Variants in KRTAP5-3 observed in about 807,000 individuals in gnomAD.
KRTAP5-3 encodes keratin associated protein 5-3.
In KRTAP5-3, 1 loss-of-function variant was observed where a neutral mutation model predicts 2.3. The observed-to-expected ratio is 0.44, with a 90% CI of 0.16 to 2.10. The LOEUF (loss-of-function observed/expected upper bound fraction) is 2.10. Among genes scored for constraint, KRTAP5-3 ranks in the 30% most tolerant of loss-of-function variants. The probability of loss-of-function intolerance (pLI) is 0.28; values close to 1 mark genes in which losing one functional copy is unlikely to be tolerated. For synonymous variants in KRTAP5-3, 92 were observed against 117.6 expected (o/e 0.78, Z 1.41); for missense variants, 229 against 291.4 (o/e 0.79, Z 1.56).
chr11:1,607,570 G>A lies in KRTAP5-3; in HGVS notation c.*99C>T. On this transcript the variant is annotated 3_prime_UTR_variant, in exon 1 of 1. Transcript: ENST00000399685. ...GCTAGGCTGCCTTAGTCCAGAGGAG[G>A]ACAGATTCAGAGACGTGCTTCAGGA... The A allele has an allele frequency of 1.3e-6, 2 of 1,594,022 alleles. No individual in the cohort carries two copies. The highest frequency in any genetic ancestry group is 2.3e-5 in the South Asian group (2 of 86,686).
In KRTAP5-3 at chr11:1,608,414, T is replaced by G; in HGVS notation, c.-29A>C. ...TCTGGTGGGTTGAGGGTGGAGCAGG[T>G]AGAGGAGCAGGTGAGAGGGAGGTGT... On this transcript the variant is annotated 5_prime_UTR_variant, in exon 1 of 1. Coordinates refer to ENST00000399685, the MANE Select transcript of KRTAP5-3 (RefSeq NM_001012708.2). 6.2e-7 allele frequency: 1 copy of G among 1,608,306 alleles called. No homozygotes were observed. The highest frequency in any genetic ancestry group is 8.5e-7 in the Non-Finnish European group (1 of 1,177,828).
At position 1,608,066 on chromosome 11, in the gene KRTAP5-3, G is replaced by A; in HGVS notation, c.320C>T (p.Ser107Phe). ...CSSSCGSCGG[S>F]KGVCGFRGGS... Reference sequence around the variant, plus strand: ...CCCACGAAATCCACAGACCCCCTTGGAACCCCCACAGGAGCCACAGCTGGA... The same window carrying A: ...CCCACGAAATCCACAGACCCCCTTGAAACCCCCACAGGAGCCACAGCTGGA... Residue 107 changes from serine (S) to phenylalanine (F), a missense_variant, in exon 1 of 1, where the codon TCC (serine) becomes TTC (phenylalanine). Transcript: ENST00000399685. The A allele has an allele frequency of 6.3e-7, 1 of 1,591,546 alleles. No homozygotes were observed.
In KRTAP5-3 at chr11:1,607,845, C is replaced by T. The variant is rs1209575031; in HGVS notation, c.541G>A (p.Gly181Arg). 1 of 1,599,830 alleles carries T rather than the reference C, an allele frequency of 6.3e-7. No individual in the cohort carries two copies. Among genetic ancestry groups the T allele is most frequent in the Non-Finnish European group, 8.5e-7 (1 of 1,172,354 alleles). ...CAGCTGGACTGGCAGCAGGATGACCCACAGCCTGAGGAGCAGCAGCAGGGC... is the reference window on the plus strand; with the variant it reads ...CAGCTGGACTGGCAGCAGGATGACCTACAGCCTGAGGAGCAGCAGCAGGGC... Reference protein sequence around the residue: ...CKPCCCSSGCGSSCCQSSCCK... With the variant: ...CKPCCCSSGCRSSCCQSSCCK... Residue 181 changes from glycine (G) to arginine (R), a missense_variant, in exon 1 of 1, where the codon GGG (glycine) becomes AGG (arginine). Coordinates refer to ENST00000399685, the MANE Select transcript of KRTAP5-3 (RefSeq NM_001012708.2).
Position 1,607,745 on chromosome 11 carries a change from C to T in KRTAP5-3, c.641G>A (p.Cys214Tyr). The change falls in exon 1 of 1, where the codon TGC becomes TAC. Residue 214 changes from cysteine to tyrosine, a missense_variant. By Grantham distance (194) the Cys-to-Tyr change is radical. This residue lies in a region of KRTAP5-3 where 39 missense variants were observed against 83.8 expected (regional missense o/e 0.47). Coordinates refer to ENST00000399685, the MANE Select transcript of KRTAP5-3 (RefSeq NM_001012708.2). ...GCAGGGCTTGCAGCAGCTGGACTGG[C>T]AGCAGGATGACCCACAGCCTGAGGA... ...CCSSGCGSSC[C>Y]QSSCCKPCSS... 6.4e-7 allele frequency: 1 copy of T among 1,572,148 alleles called. No individual in the cohort carries two copies. The highest frequency in any genetic ancestry group is 8.7e-7 in the Non-Finnish European group (1 of 1,153,854).
rs1303401274 is a variant in KRTAP5-3, at chr11:1,608,317, G to GC, written c.68dup (p.Cys24LeufsTer110). On this transcript the variant is annotated frameshift_variant, in exon 1 of 1. Transcript: ENST00000399685. LOFTEE classifies it low-confidence loss of function (END_TRUNC). ...CACAGCCCCCATAGCCGGAGCCACA[G>GC]CCCCCACAGCTGGAGCCACAGCCCC... 4 of 1,609,376 alleles carry GC rather than the reference G, an allele frequency of 2.5e-6. No homozygotes were observed. Among genetic ancestry groups the GC allele is most frequent in the Non-Finnish European group, 3.4e-6 (4 of 1,178,998 alleles).
chr11:1,608,360 C>G lies in KRTAP5-3; in HGVS notation c.26G>C (p.Gly9Ala), dbSNP rs1261739139. Residue 9 changes from glycine to alanine, a missense_variant, in exon 1 of 1, where the codon GGC (glycine) becomes GCC (alanine). By Grantham distance (60) the Gly-to-Ala change is moderately conservative (BLOSUM62 0). Coordinates refer to ENST00000399685, the MANE Select transcript of KRTAP5-3 (RefSeq NM_001012708.2). Reference sequence around the variant, plus strand: ...ACAGCCCCCACAGCTGGAGCCACAGCCTCCAGAGCAGCCAGAGCAGCCCAT... The same window carrying G: ...ACAGCCCCCACAGCTGGAGCCACAGGCTCCAGAGCAGCCAGAGCAGCCCAT... MGCSGCSG[G>A]CGSSCGGCGS... The G allele has an allele frequency of 6.2e-7, 1 of 1,612,556 alleles. No individual in the cohort carries two copies. Among genetic ancestry groups the G allele is most frequent in the Non-Finnish European group, 8.5e-7 (1 of 1,180,008 alleles).
chr11:1,608,111 C>G lies in KRTAP5-3; in HGVS notation c.275G>C (p.Cys92Ser). 4 of 1,607,912 alleles carry G rather than the reference C, an allele frequency of 2.5e-6. No individual in the cohort carries two copies. Among genetic ancestry groups the G allele is most frequent in the Non-Finnish European group, 3.4e-6 (4 of 1,178,016 alleles). ...GCTGGAGGAGCAGCAGACGGGCACA[C>G]AGCAGCTGGAGCCACAGCCCCCCTT... ...GSKGGCGSSC[C>S]VPVCCSSSCG... Residue 92 changes from cysteine to serine, a missense_variant, in exon 1 of 1, where the codon TGT becomes TCT. Physicochemically the swap from Cys to Ser is moderately radical, Grantham distance 112. Coordinates refer to ENST00000399685, the MANE Select transcript of KRTAP5-3 (RefSeq NM_001012708.2).
rs1379944729 is a variant in KRTAP5-3, at chr11:1,607,712, T to G, written c.674A>C (p.Gln225Pro). The part of the protein sequence containing the change: ...QSSCCKPCSS[Q>P]SSCCVPICCQ... ...GCAAATTGGGACACAGCAGCTGGAC[T>G]GGGAGGAGCAGGGCTTGCAGCAGCT... Residue 225 changes from glutamine to proline, a missense_variant, in exon 1 of 1, where the codon CAG (glutamine) becomes CCG (proline). Around this residue, in one of 2 missense-constraint regions of KRTAP5-3, gnomAD observed 39 missense variants for 83.8 expected, o/e 0.47. Coordinates refer to ENST00000399685, the MANE Select transcript of KRTAP5-3 (RefSeq NM_001012708.2). 24 of 1,611,962 alleles carry G rather than the reference T, an allele frequency of 1.5e-5. No individual in the cohort carries two copies. The Admixed American group carries it at 4.0e-4, about 27-fold the overall frequency.
rs368516394 is a variant in KRTAP5-3 at position 1,607,732 on chromosome 11, G to A, written c.654C>T (p.Cys218=). Residue 218 remains cysteine (C), a synonymous_variant, in exon 1 of 1, where the codon TGC becomes TGT. Transcript: ENST00000399685. ...GCGSSCCQSS[C]CKPCSSQSSC... ...TGGACTGGGAGGAGCAGGGCTTGCA[G>A]CAGCTGGACTGGCAGCAGGATGACC... is the stretch of plus-strand genomic sequence containing the variant. The A allele has an allele frequency of 1.0e-5, 16 of 1,571,078 alleles. No individual in the cohort carries two copies. Among genetic ancestry groups the A allele is most frequent in the Non-Finnish European group, 1.3e-5 (15 of 1,153,076 alleles).
In KRTAP5-3 at chr11:1,607,902, T is replaced by C; in HGVS notation, c.484A>G (p.Lys162Glu). 1 of 1,594,650 alleles carries C rather than the reference T, an allele frequency of 6.3e-7. No homozygotes were observed. Among genetic ancestry groups the C allele is most frequent in the South Asian group, 1.1e-5 (1 of 90,200 alleles). The change falls in exon 1 of 1, where the codon AAG becomes GAG. Residue 162 changes from lysine (K) to glutamate (E), a missense_variant. Lys to Glu is a moderately conservative substitution (Grantham distance 56, BLOSUM62 1). Transcript: ENST00000399685. ...CAGCTGGACTGGGAACAGCAGGGCT[T>C]ACAGCAGCTGGACTGGGAGCAGCTG... ...KPSCSQSSCCKPCCSQSSCCK... is the reference protein window; with the variant it reads ...KPSCSQSSCCEPCCSQSSCCK...
In KRTAP5-3 at chr11:1,608,129, C is replaced by T. The variant is rs747993091; in HGVS notation, c.257G>A (p.Gly86Asp). 3.7e-6 allele frequency: 6 copies of T among 1,603,750 alleles called. No homozygotes were observed. The highest frequency in any genetic ancestry group is 4.4e-4 in the Middle Eastern group (2 of 4,580). ...GCGSCGGSKG[G>D]CGSSCCVPVC... ...GGGCACACAGCAGCTGGAGCCACAG[C>T]CCCCCTTGGAGCCTCCACAGGAGCC... Residue 86 changes from glycine to aspartate, a missense_variant, in exon 1 of 1, where the codon GGC becomes GAC. Gly to Asp is a moderately conservative substitution (Grantham distance 94). Around this residue, in one of 2 missense-constraint regions of KRTAP5-3, gnomAD observed 190 missense variants for 207.6 expected, o/e 0.92. Coordinates refer to ENST00000399685, the MANE Select transcript of KRTAP5-3 (RefSeq NM_001012708.2).
rs1473274081 is a variant in KRTAP5-3, at chr11:1,608,141, C to A, written c.245G>T (p.Gly82Val). 2 of 1,455,802 alleles carry A rather than the reference C, an allele frequency of 1.4e-6. No homozygotes were observed. Among genetic ancestry groups the A allele is most frequent in the African/African-American group, 3.2e-5 (2 of 62,176 alleles). The allele number at this position is 1,455,802 out of a possible 1,614,324, so 90.2% of individuals were successfully genotyped here. Residue 82 changes from glycine to valine, a missense_variant, in exon 1 of 1, where the codon GGC (glycine) becomes GTC (valine). Around this residue, in one of 2 missense-constraint regions of KRTAP5-3, gnomAD observed 190 missense variants for 207.6 expected, o/e 0.92. Coordinates refer to ENST00000399685, the MANE Select transcript of KRTAP5-3 (RefSeq NM_001012708.2). ...GCKGGCGSCG[G>V]SKGGCGSSCC... ...GCTGGAGCCACAGCCCCCCTTGGAG[C>A]CTCCACAGGAGCCACAGCCCCCCTT...
At position 1,607,634 on chromosome 11, in the gene KRTAP5-3, A is replaced by C. The variant is rs1241984108; in HGVS notation, c.*35T>G. The C allele has an allele frequency of 4.3e-6, 7 of 1,613,874 alleles. No homozygotes were observed. The highest frequency in any genetic ancestry group is 5.9e-6 in the Non-Finnish European group (7 of 1,179,900). On this transcript the variant is annotated 3_prime_UTR_variant, in exon 1 of 1. Coordinates refer to ENST00000399685, the MANE Select transcript of KRTAP5-3 (RefSeq NM_001012708.2). ...CTGCAATCATTCCTGGAGAGCCCGG[A>C]TCTGTAGGACCCACTGAGGTTTGTG...
chr11:1,608,429 G>A lies in KRTAP5-3; in HGVS notation c.-44C>T, dbSNP rs1302279199. 1.9e-6 allele frequency: 3 copies of A among 1,603,564 alleles called. No individual in the cohort carries two copies. ...GTGGAGCAGGTAGAGGAGCAGGTGA[G>A]AGGGAGGTGTGCAGGTGTGGAGTTC... On this transcript the variant is annotated 5_prime_UTR_variant, in exon 1 of 1. Transcript: ENST00000399685.
In KRTAP5-3 at chr11:1,608,081, C is replaced by G. The variant is rs1261447265; in HGVS notation, c.305G>C (p.Gly102Ala). The G allele has an allele frequency of 1.2e-6, 2 of 1,607,646 alleles. No homozygotes were observed. Among genetic ancestry groups the G allele is most frequent in the Non-Finnish European group, 1.7e-6 (2 of 1,178,406 alleles). Residue 102 changes from glycine to alanine, a missense_variant, in exon 1 of 1, where the codon GGC becomes GCC. Physicochemically the swap from Gly to Ala is moderately conservative, Grantham distance 60. Around this residue, in one of 2 missense-constraint regions of KRTAP5-3, gnomAD observed 190 missense variants for 207.6 expected, o/e 0.92. Coordinates refer to ENST00000399685, the MANE Select transcript of KRTAP5-3 (RefSeq NM_001012708.2). ...CVPVCCSSSCGSCGGSKGVCG... is the reference protein window; with the variant it reads ...CVPVCCSSSCASCGGSKGVCG... ...GACCCCCTTGGAACCCCCACAGGAG[C>G]CACAGCTGGAGGAGCAGCAGACGGG...
At position 1,608,341 on chromosome 11, in the gene KRTAP5-3, C is replaced by T. The variant is rs7129018; in HGVS notation, c.45G>A (p.Gly15=). Residue 15 remains glycine (G), a synonymous_variant, in exon 1 of 1, where the codon GGG becomes GGA. Coordinates refer to ENST00000399685, the MANE Select transcript of KRTAP5-3 (RefSeq NM_001012708.2). ...GCSGGCGSSC[G]GCGSSCGGCG... ...AGCCCCCACAGCTGGAGCCACAGCC[C>T]CCACAGCTGGAGCCACAGCCTCCAG... is the stretch of plus-strand genomic sequence containing the variant. 855 of 1,611,126 alleles carry T rather than the reference C, an allele frequency of 5.3e-4. 4 individuals are homozygous for T. In the African/African-American group the frequency reaches 0.01, roughly 19 times the overall value.
Position 1,607,962 on chromosome 11 carries a change from C to T in KRTAP5-3, c.424G>A (p.Gly142Arg). ...CAGCTGGACTGGCAGCAGGATGACC[C>T]ACAGCCTGAGGAGCAGCAGCAGGGC... ...YKPCCCSSGC[G>R]SSCCQSSCCK... is the part of the protein sequence containing the mutation. The change falls in exon 1 of 1, where the codon GGG (glycine) becomes AGG (arginine). Residue 142 changes from glycine to arginine, a missense_variant. Coordinates refer to ENST00000399685, the MANE Select transcript of KRTAP5-3 (RefSeq NM_001012708.2). 1.9e-6 allele frequency: 3 copies of T among 1,613,772 alleles called. No homozygotes were observed. Among genetic ancestry groups the T allele is most frequent in the Non-Finnish European group, 2.5e-6 (3 of 1,179,864 alleles).
At position 1,608,236 on chromosome 11, in the gene KRTAP5-3, T is replaced by A; in HGVS notation, c.150A>T (p.Pro50=). The A allele has an allele frequency of 6.6e-7, 1 of 1,505,638 alleles. No homozygotes were observed. Among genetic ancestry groups the A allele is most frequent in the Non-Finnish European group, 8.9e-7 (1 of 1,121,548 alleles). 93.3% of individuals were successfully genotyped at this position (1,505,638 alleles called of 1,614,324 possible). ...AGCCACAGCTGGAGCAGGAACAGGC[T>A]GGCACACAGCAGCACACGGGCTTGC... The part of the protein sequence containing the change: ...CCCKPVCCCV[P]ACSCSSCGSC... The change falls in exon 1 of 1, where the codon CCA becomes CCT. Residue 50 remains proline, a synonymous_variant. Coordinates refer to ENST00000399685, the MANE Select transcript of KRTAP5-3 (RefSeq NM_001012708.2).
rs767199284 is a variant in KRTAP5-3 at position 1,607,999 on chromosome 11, G to A, written c.387C>T (p.Cys129=). 3.7e-6 allele frequency: 6 copies of A among 1,613,744 alleles called. No homozygotes were observed. The South Asian group carries it at 5.5e-5, about 15-fold the overall frequency. The change falls in exon 1 of 1, where the codon TGC becomes TGT. Residue 129 remains cysteine, a synonymous_variant. Coordinates refer to ENST00000399685, the MANE Select transcript of KRTAP5-3 (RefSeq NM_001012708.2). ...GGCGSCGCSQ[C]SCYKPCCCSS... is the part of the protein sequence containing the mutation. The stretch of plus-strand genomic sequence containing the variant: ...AGCAGCAGCAGGGCTTATAGCAGCT[G>A]CACTGGGAGCAGCCACAAGAACCGC...
Sources: gnomAD v4.1 joint callset for allele counts on GRCh38, gnomAD v4.1.1 for gene constraint, gnomAD v4.1.1 regional missense constraint, MANE v1.5 for transcripts, NCBI Gene and HGNC (gene_info 2026-07-23, HGNC 2026-07-21) for gene names.